DMAC2L: variants seen among roughly 807,000 people sequenced by gnomAD.
DMAC2L encodes the protein ATP synthase subunit s, mitochondrial.
In DMAC2L, 21 loss-of-function variants were observed where a neutral mutation model predicts 22.5. The ratio of observed to expected loss-of-function variants is 0.93; its 90% confidence interval spans 0.66 to 1.34. The LOEUF is 1.34. Among genes scored for constraint, DMAC2L ranks in the 40% most tolerant of loss-of-function variants. The pLI, the probability that DMAC2L is intolerant of heterozygous loss-of-function variation, is 0.00. For missense variants in DMAC2L, 239 were observed against 246.5 expected (o/e 0.97, Z 0.20); for synonymous variants, 86 against 89.5 (o/e 0.96, Z 0.22).
intron 1 of DMAC2L, among the ~76,000 whole-genome samples, chr14:50,313,815 C>G (rs1595176714): frequency 2.0e-5 from 3 of 151,432 alleles, no homozygotes; most frequent in Middle Eastern, 3.4e-3. Flanking sequence ...GTATCCACCA[C>G]CACAGTCAAG....
In DMAC2L at chr14:50,327,530, A is replaced by T. The variant is rs1381605027; in HGVS notation, c.*1807A>T. The T allele has an allele frequency of 7.8e-6, 1 of 127,488 alleles. No homozygotes were observed. The highest frequency in any genetic ancestry group is 1.5e-5 in the Non-Finnish European group (1 of 64,794). 7.9% of individuals were successfully genotyped at this position (127,488 alleles called of 1,614,324 possible). On this transcript the variant is annotated 3_prime_UTR_variant, in exon 6 of 6. Coordinates refer to ENST00000557421, the MANE Select transcript of DMAC2L (RefSeq NM_001382507.1). ...GCCCAGGTTGGAGTGCAGTGGTGTGATCTCAGTTCACTGCAACCTCTGCCT... is the reference window on the plus strand; with the variant it reads ...GCCCAGGTTGGAGTGCAGTGGTGTGTTCTCAGTTCACTGCAACCTCTGCCT...
rs897461690 is a variant in DMAC2L at position 50,326,769 on chromosome 14, C to T, written c.*1046C>T. The T allele has an allele frequency of 8.2e-5, 81 of 984,766 alleles. No individual in the cohort carries two copies. Among genetic ancestry groups the T allele is most frequent in the Middle Eastern group, 5.2e-4 (1 of 1,936 alleles). 61.0% of individuals were successfully genotyped at this position (984,766 alleles called of 1,614,324 possible). A position where few individuals can be genotyped will look rare whatever the true frequency, so the allele number is the denominator to read the frequency against. On this transcript the variant is annotated 3_prime_UTR_variant, in exon 6 of 6. Coordinates refer to ENST00000557421, the MANE Select transcript of DMAC2L (RefSeq NM_001382507.1). ...CCTAACATTGCTTTAGGCTGGGTGC[C>T]GTGGCTCGTGCCTGTAATCCCAGTG...
At chr14:50,312,307 G>T, upstream of DMAC2L, 1 of 1,120,194 alleles carries the variant, frequency 8.9e-7, no homozygotes, top group Non-Finnish European at 1.3e-6. Flanking sequence ...CAATAGGCGC[G>T]CGCGTCGGAG....
chr14:50,324,714 A>C (rs141075060), intron 5 of DMAC2L: 11 of 152,364 alleles, frequency 7.2e-5, no homozygotes, highest in Non-Finnish European at 1.3e-4. Flanking sequence ...GGAATGTTTA[A>C]TTCTAAAATT....
At chr14:50,320,671 G>A (rs894622608) in intron 2 of DMAC2L, among the ~76,000 whole-genome samples, 3 of 151,978 alleles carry the variant, frequency 2.0e-5, no homozygotes, top group Non-Finnish European at 4.4e-5. Context: ...ACTTGATAAC[G>A]TGTCTTAGCC....
chr14:50,312,531 G>A (rs2031321483), intron 1 of DMAC2L, 142 bp downstream of exon 1: 2 of 340,476 alleles, frequency 5.9e-6, no homozygotes, highest in Non-Finnish European at 1.1e-5. Flanking sequence ...ATGCGGACAT[G>A]GGGCCGTGGG....
intron 4 of DMAC2L, chr14:50,323,003 T>C (rs1207621272): frequency 3.0e-6 from 4 of 1,324,166 alleles, no homozygotes; most frequent in East Asian, 6.1e-5. Context: ...TTTGTCAAAC[T>C]TCTGTCATTG....
intron 2 of DMAC2L, among the ~76,000 whole-genome samples, chr14:50,315,062 G>A (rs1010816014): frequency 6.8e-6 from 1 of 146,492 alleles, no homozygotes; most frequent in African/African-American, 2.5e-5. Context: ...TGCCTCCCGG[G>A]TTCACACCAT....
chr14:50,321,311 C>T (rs1293395180), intron 2 of DMAC2L, 172 bp from the exon 3 acceptor site: 2 of 1,286,714 alleles, frequency 1.6e-6, no homozygotes, highest in East Asian at 3.0e-5. Flanking sequence ...TTTTTTGCAG[C>T]AAACAAATAA....
chr14:50,312,907 C>T, intron 1 of DMAC2L: 1 of 1,111,386 alleles, frequency 9.0e-7, no homozygotes, highest in Non-Finnish European at 1.3e-6. Context: ...TATGGAGCGC[C>T]TGCTCTGTAC....
intron 1 of DMAC2L, among the ~76,000 whole-genome samples, chr14:50,314,364 G>C (rs1381362076): frequency 6.6e-6 from 1 of 152,128 alleles, no homozygotes; most frequent in Non-Finnish European, 1.5e-5. Context: ...CACCATGATT[G>C]TGAGGCCTCC....
rs111985271 is a variant in DMAC2L, at chr14:50,327,849, T to C, written c.*2126T>C. On this transcript the variant is annotated 3_prime_UTR_variant, in exon 6 of 6. Transcript: ENST00000557421. The stretch of plus-strand genomic sequence containing the variant: ...AATGAATTTTCGTTGTGTTTAACAA[T>C]GTTGTGTTTAACAGCTTATACAAAT... 22 of 152,302 alleles carry C rather than the reference T, an allele frequency of 1.4e-4. No individual in the cohort carries two copies. The highest frequency in any genetic ancestry group is 5.3e-4 in the African/African-American group (22 of 41,568). 9.4% of individuals were successfully genotyped at this position (152,302 alleles called of 1,614,324 possible).
At chr14:50,319,257 G>C in intron 2 of DMAC2L, 1 of 1,536,074 alleles carries the variant, frequency 6.5e-7, no homozygotes, top group South Asian at 1.2e-5. Context: ...GTGGAGCAGA[G>C]GCTTGCAGTA....
chr14:50,312,403 C>G lies in DMAC2L; in HGVS notation c.-42+14C>G, dbSNP rs1443496021. 2 of 570,374 alleles carry G rather than the reference C, an allele frequency of 3.5e-6. No homozygotes were observed. The highest frequency in any genetic ancestry group is 3.0e-5 in the East Asian group (1 of 33,378). The allele number at this position is 570,374 out of a possible 1,614,324, so 35.3% of individuals were successfully genotyped here. A position where few individuals can be genotyped will look rare whatever the true frequency, so the allele number is the denominator to read the frequency against. On this transcript the variant is annotated intron_variant, in intron 1 of 5. Coordinates refer to ENST00000557421, the MANE Select transcript of DMAC2L (RefSeq NM_001382507.1). ...CCCTCCGACGCTGTGAGTAGAGAAG[C>G]TAGGCCCCGAGCCGGGCGGGACTAG...
At chr14:50,321,677 A>G (rs1233336862) in intron 3 of DMAC2L, 83 bp downstream of exon 3, 2 of 1,031,988 alleles carry the variant, frequency 1.9e-6, no homozygotes, top group African/African-American at 1.6e-5. Flanking sequence ...GCTATTTCTC[A>G]TATTTACAGT....
chr14:50,325,494 G>A (rs1480144886), intron 5 of DMAC2L, 115 bp from the exon 6 acceptor site: 1 of 1,271,014 alleles, frequency 7.9e-7, no homozygotes, highest in Admixed American at 2.8e-5. Context: ...TAATTTTGAA[G>A]GCATAGGGTG....
chr14:50,316,872 G>A (rs1254235764), intron 2 of DMAC2L, among the ~76,000 whole-genome samples: 1 of 152,140 alleles, frequency 6.6e-6, no homozygotes. Context: ...CTTTGGCTAT[G>A]TGGGCTCTTT....
rs2139314603 is a variant in DMAC2L, at chr14:50,323,145, G to A, written c.316+426G>A. 6.9e-6 allele frequency: 4 copies of A among 581,556 alleles called. No homozygotes were observed. The Admixed American group carries it at 2.6e-4, about 37-fold the overall frequency. 36.0% of individuals were successfully genotyped at this position (581,556 alleles called of 1,614,324 possible). On this transcript the variant is annotated intron_variant, in intron 4 of 5. Coordinates refer to ENST00000557421, the MANE Select transcript of DMAC2L (RefSeq NM_001382507.1). ...CTGTCGCCTAGGCTGGAGTGCAGTG[G>A]CGCGATCTCAGCTCACTGCAAGCTC... is the stretch of plus-strand genomic sequence containing the variant.
intron 2 of DMAC2L, chr14:50,319,291 G>C (rs766570703): frequency 6.5e-7 from 1 of 1,536,032 alleles, no homozygotes; most frequent in East Asian, 2.4e-5. Context: ...TAGTGAAAAA[G>C]GGATGAAAGG....
Sources: allele counts gnomAD v4.1 joint callset (sites outside exome capture counted in the v4.1 genomes callset), GRCh38; gene constraint gnomAD v4.1.1; transcripts MANE v1.5; gene names NCBI Gene and HGNC (gene_info 2026-07-23, HGNC 2026-07-21).